The following SCP2 variants were observed in gnomAD, a reference collection of about 807,000 sequenced individuals.
The protein encoded by SCP2 is sterol carrier protein 2.
SCP2 carries 48 observed loss-of-function variants against 71.4 expected under a neutral mutation model. The observed-to-expected ratio is 0.67, with a 90% CI of 0.53 to 0.86. The LOEUF (loss-of-function observed/expected upper bound fraction) is 0.86, where lower values mean the gene tolerates loss of function less well. Ranked by LOEUF, SCP2 falls within the 40% of genes least tolerant of loss-of-function variation. The pLI is 0.00. For synonymous variants in SCP2, 220 were observed against 218.1 expected (o/e 1.01, Z -0.08); for missense variants, 560 against 655.6 (o/e 0.85, Z 1.59).
At chr1:52,967,184 C>T (rs1466238857) in intron 6 of SCP2, among the ~76,000 whole-genome samples, 3 of 151,828 alleles carry the variant, frequency 2.0e-5, no homozygotes, top group Non-Finnish European at 4.4e-5. Context: ...ACTGGGACTC[C>T]TCAATTAAAA....
chr1:53,004,187 A>G (rs1660486117), intron 11 of SCP2, among the ~76,000 whole-genome samples: 1 of 152,196 alleles, frequency 6.6e-6, no homozygotes, highest in South Asian at 2.1e-4. Flanking sequence ...GCGAGATTTT[A>G]TCATGCTACT....
chr1:52,945,339 C>G (rs1340442350), intron 2 of SCP2, among the ~76,000 whole-genome samples: 1 of 152,122 alleles, frequency 6.6e-6, no homozygotes, highest in Admixed American at 6.6e-5. Flanking sequence ...GTACTCGCCA[C>G]TGTGCACAGC....
rs1011702832 is a variant in SCP2 at position 52,980,384 on chromosome 1, T to C, written c.826-12T>C. ...TTTGGTGCCCTTTATTTATATATGG[T>C]TTTGGTTTTAGGTTGGCTTTGATAT... On this transcript the variant is annotated splice_polypyrimidine_tract_variant and intron_variant, in intron 9 of 15. Coordinates refer to ENST00000371514, the MANE Select transcript of SCP2 (RefSeq NM_002979.5). The C allele has an allele frequency of 3.7e-6, 6 of 1,612,914 alleles. No homozygotes were observed. In the African/African-American group the frequency reaches 5.3e-5, roughly 14 times the overall value.
At chr1:53,016,931 T>C (rs1414834977) in intron 12 of SCP2, among the ~76,000 whole-genome samples, 1 of 151,786 alleles carries the variant, frequency 6.6e-6, no homozygotes, top group African/African-American at 2.4e-5. Context: ...GTTGTAGGAG[T>C]GTGGAGGAGA....
At position 52,971,087 on chromosome 1, in the gene SCP2, C is replaced by T. The variant is rs781017047; in HGVS notation, c.524-3682C>T. Among the ~76,000 whole-genome samples the T allele has an allele frequency of 9.3e-5, 14 of 150,836 alleles. No homozygotes were observed. The East Asian group carries it at 2.6e-3, about 28-fold the overall frequency. ...GCCTCCCGGGTTCACGCCATTCTCC[C>T]GCCTCAGCCTCCCGAGTAGCTGGGA... On this transcript the variant is annotated intron_variant, in intron 6 of 15. Coordinates refer to ENST00000371514, the MANE Select transcript of SCP2 (RefSeq NM_002979.5).
At chr1:52,974,621 G>T (rs1377210911) in intron 6 of SCP2, 148 bp from the exon 7 acceptor site, 1 of 653,892 alleles carries the variant, frequency 1.5e-6, no homozygotes, top group Non-Finnish European at 2.8e-6. Context: ...ATTTTTTGAG[G>T]GAACAGTGCT....
chr1:52,934,779 A>AT (rs1279145165), intron 1 of SCP2, among the ~76,000 whole-genome samples: 1 of 147,424 alleles, frequency 6.8e-6, no homozygotes, highest in East Asian at 2.0e-4. Context: ...CGCCCGGCTA[A>AT]TTTTTTGTAT....
intron 11 of SCP2, chr1:52,994,402 G>A: frequency 8.0e-6 from 4 of 500,748 alleles, no homozygotes; most frequent in Non-Finnish European, 1.0e-5. Flanking sequence ...GAAATAGCAT[G>A]TTTTTATTAT....
At chr1:52,953,668 G>T (rs978468442) in intron 4 of SCP2, among the ~76,000 whole-genome samples, 11 of 151,868 alleles carry the variant, frequency 7.2e-5, no homozygotes. Flanking sequence ...TTATCTAGAA[G>T]AATATAAAGA....
At chr1:53,042,963 T>A (rs888298857) in intron 14 of SCP2, among the ~76,000 whole-genome samples, 2 of 152,166 alleles carry the variant, frequency 1.3e-5, no homozygotes, top group Non-Finnish European at 2.9e-5. Context: ...ATATAGCATA[T>A]CTCCAGGAGG....
At chr1:52,966,132 T>C (rs1429750510) in intron 6 of SCP2, among the ~76,000 whole-genome samples, 1 of 152,232 alleles carries the variant, frequency 6.6e-6, no homozygotes, top group Non-Finnish European at 1.5e-5. Context: ...ACTTATCTAA[T>C]TGTATTTGCA....
At chr1:53,036,988 A>G (rs72903182) in intron 13 of SCP2, among the ~76,000 whole-genome samples, 15,132 of 151,966 alleles carry the variant, frequency 0.1, 1,475 homozygotes, top group African/African-American at 0.22. Flanking sequence ...CTAAAAATAC[A>G]AAAAATTAGC....
rs534338963 is a variant in SCP2, at chr1:52,941,199, ATAAGAACTTAATT to A, written c.70-593_70-581del. Among the ~76,000 whole-genome samples the A allele has an allele frequency of 6.5e-4, 99 of 152,254 alleles. 2 individuals carry two copies. The East Asian group carries it at 0.018, about 28-fold the overall frequency. On this transcript the variant is annotated intron_variant, in intron 1 of 15. Coordinates refer to ENST00000371514, the MANE Select transcript of SCP2 (RefSeq NM_002979.5). ...TCACTTTGCTAACTGCTACTCATCCATAAGAACTTAATTTAAATGGCAGTTTCTCTGGGAAGCC... is the reference window on the plus strand; with the variant it reads ...TCACTTTGCTAACTGCTACTCATCCATAAATGGCAGTTTCTCTGGGAAGCC...
intron 11 of SCP2, among the ~76,000 whole-genome samples, chr1:53,001,261 A>G (rs543042790): frequency 1.3e-5 from 2 of 152,290 alleles, no homozygotes; most frequent in East Asian, 1.9e-4. Flanking sequence ...ACAAAGCAGA[A>G]GTATGAAGAG....
intron 1 of SCP2, among the ~76,000 whole-genome samples, chr1:52,937,987 G>GTCCCCAGAGTCATATAACTTCTGAGGCA (rs1653885933): frequency 6.6e-6 from 1 of 151,548 alleles, no homozygotes; most frequent in Middle Eastern, 3.2e-3. Context: ...GGGGCAGGGA[G>GTCCCCAGAGTCATATAACTTCTGAGGCA]TCCCCAGAGT....
At chr1:53,021,097 C>T (rs1212508967) in intron 12 of SCP2, among the ~76,000 whole-genome samples, 1 of 152,026 alleles carries the variant, frequency 6.6e-6, no homozygotes, top group Non-Finnish European at 1.5e-5. Context: ...CCTCGACCTC[C>T]CCAGGCTCAG....
chr1:53,000,811 C>T (rs115591365), intron 11 of SCP2, among the ~76,000 whole-genome samples: 1,904 of 152,004 alleles, frequency 0.013, 15 homozygotes, highest in Non-Finnish European at 0.02. Flanking sequence ...AAAAATTAGC[C>T]GGGCCTGATG....
At chr1:52,960,795 G>A (rs896061661) in intron 5 of SCP2, among the ~76,000 whole-genome samples, 11 of 150,992 alleles carry the variant, frequency 7.3e-5, no homozygotes, top group African/African-American at 2.7e-4. Flanking sequence ...TGTCGCCCAG[G>A]CTGGAGTGCA....
In SCP2 at chr1:53,028,080, T is replaced by C. The variant is rs1662262817; in HGVS notation, c.1338+9T>C. 6.8e-7 allele frequency: 1 copy of C among 1,466,804 alleles called. No homozygotes were observed. The highest frequency in any genetic ancestry group is 1.4e-5 in the African/African-American group (1 of 72,030). 90.9% of individuals were successfully genotyped at this position (1,466,804 alleles called of 1,614,324 possible). A position where few individuals can be genotyped will look rare whatever the true frequency, so the allele number is the denominator to read the frequency against. On this transcript the variant is annotated intron_variant, in intron 13 of 15. Transcript: ENST00000371514. ...AGAAGAAACTTGAAGAGGTAAGATT[T>C]ATGTAAAATATTGCCAGGAAGGACC...
Sources: gnomAD v4.1 joint callset for allele counts (sites outside exome capture counted in the v4.1 genomes callset) on GRCh38, gnomAD v4.1.1 for gene constraint, MANE v1.5 for transcripts, NCBI Gene and HGNC (gene_info 2026-07-23, HGNC 2026-07-21) for gene names.